The following EXOC6B variants were observed in gnomAD, a reference collection of about 807,000 sequenced individuals.
The protein encoded by EXOC6B is SEC15 homolog B.
Under a neutral mutation model 113.5 loss-of-function variants are expected in EXOC6B, and 54 were observed. The observed-to-expected ratio is 0.48, with a 90% confidence interval of 0.38 to 0.60. The LOEUF (loss-of-function observed/expected upper bound fraction) is 0.60. Among genes scored for constraint, EXOC6B ranks in the 20% least tolerant of loss-of-function variants. EXOC6B has a pLI of 0.00. For synonymous variants in EXOC6B, 357 were observed against 339.0 expected, an observed-to-expected ratio of 1.05 and a Z score of -0.58; for missense variants, 797 against 977.5, an observed-to-expected ratio of 0.82 and a Z score of 2.46.
Position 72,730,043 on chromosome 2 carries a change from T to C in EXOC6B, c.464+964A>G, listed in dbSNP as rs535451548. Among the ~76,000 whole-genome samples the C allele has an allele frequency of 4.6e-5, 7 of 152,310 alleles. No homozygotes were observed. The South Asian group carries it at 1.4e-3, about 32-fold the overall frequency. ...CCTATAGCTTCATATATCCCCATCA[T>C]ACTACAGGGCATCTCAGGGCAGAGA... On this transcript the variant is annotated intron_variant, in intron 5 of 21. Transcript: ENST00000272427.
chr2:72,542,099 A>G (rs1354256579), intron 8 of EXOC6B, among the ~76,000 whole-genome samples: 2 of 152,242 alleles, frequency 1.3e-5, no homozygotes, highest in African/African-American at 4.8e-5. Context: ...ACCTCAGTCA[A>G]AATAACTACA....
intron 19 of EXOC6B, among the ~76,000 whole-genome samples, chr2:72,377,367 G>A (rs1691421590): frequency 6.6e-6 from 1 of 152,102 alleles, no homozygotes; most frequent in South Asian, 2.1e-4. Flanking sequence ...ATATCCAGAG[G>A]AGATGAAATC....
At position 72,637,245 on chromosome 2, in the gene EXOC6B, G is replaced by A. The variant is rs1035512676; in HGVS notation, c.670-61577C>T. On this transcript the variant is annotated intron_variant, in intron 6 of 21. Coordinates refer to ENST00000272427, the MANE Select transcript of EXOC6B (RefSeq NM_015189.3). ...AATAAATATGTCAATTCCAAAAAAC[G>A]CCAAAAGCAATTGCAACAAAAGCAA... 3.3e-5 allele frequency among the ~76,000 whole-genome samples: 5 copies of A among 151,980 alleles called. No homozygotes were observed. The South Asian group carries it at 8.3e-4, about 25-fold the overall frequency.
At chr2:72,739,385 T>C (rs1681162540) in intron 2 of EXOC6B, among the ~76,000 whole-genome samples, 2 of 152,146 alleles carry the variant, frequency 1.3e-5, no homozygotes, top group Non-Finnish European at 2.9e-5. Context: ...ATTTCTCATT[T>C]TTCTATTAGA....
At chr2:72,323,116 T>C (rs1169957889) in intron 20 of EXOC6B, among the ~76,000 whole-genome samples, 2 of 151,902 alleles carry the variant, frequency 1.3e-5, no homozygotes, top group Non-Finnish European at 2.9e-5. Flanking sequence ...ATCCAGAATC[T>C]ACAAAGAAAC....
chr2:72,757,263 C>T (rs1481278947), intron 1 of EXOC6B, among the ~76,000 whole-genome samples: 2 of 152,054 alleles, frequency 1.3e-5, no homozygotes, highest in African/African-American at 4.8e-5. Flanking sequence ...AATAATGTGG[C>T]GGTTAACAAT....
chr2:72,661,923 C>G (rs1237038754), intron 6 of EXOC6B, among the ~76,000 whole-genome samples: 1 of 151,498 alleles, frequency 6.6e-6, no homozygotes. Flanking sequence ...ACTAATATAG[C>G]CAGTTGATTT....
intron 20 of EXOC6B, among the ~76,000 whole-genome samples, chr2:72,229,020 T>C (rs1216913238): frequency 2.0e-5 from 3 of 152,236 alleles, no homozygotes; most frequent in Admixed American, 6.5e-5. Flanking sequence ...TGGCCAGTGA[T>C]AGTGAGCATT....
At chr2:72,562,914 T>C (rs537153728) in intron 7 of EXOC6B, among the ~76,000 whole-genome samples, 1 of 152,278 alleles carries the variant, frequency 6.6e-6, no homozygotes, top group African/African-American at 2.4e-5. Context: ...CTTTTTTAAC[T>C]AGTTGTTTTC....
rs373013411 is a variant in EXOC6B, at chr2:72,499,931, G to C, written c.1209C>G (p.Asn403Lys). The change falls in exon 12 of 22, where the codon AAC becomes AAG. Residue 403 changes from asparagine (N) to lysine (K), a missense_variant. Asn to Lys is a moderately conservative substitution (Grantham distance 94). Coordinates refer to ENST00000272427, the MANE Select transcript of EXOC6B (RefSeq NM_015189.3). ...SDPNLVLDLK[N>K]LIVLFADTLQ... ...GTGTGTCAGCAAAAAGCACAATGAG[G>C]TTCTTCAAATCTAACACAAGGTTTG... 6.4e-7 allele frequency: 1 copy of C among 1,553,512 alleles called. No homozygotes were observed. Among genetic ancestry groups the C allele is most frequent in the Non-Finnish European group, 8.7e-7 (1 of 1,147,682 alleles).
intron 7 of EXOC6B, among the ~76,000 whole-genome samples, chr2:72,572,651 T>G (rs1704587543): frequency 6.6e-6 from 1 of 152,120 alleles, no homozygotes; most frequent in Non-Finnish European, 1.5e-5. Flanking sequence ...CTCAATGAGG[T>G]CTGTTGAAGA....
At chr2:72,688,365 T>G (rs1677236770) in intron 6 of EXOC6B, among the ~76,000 whole-genome samples, 1 of 152,146 alleles carries the variant, frequency 6.6e-6, no homozygotes, top group Admixed American at 6.5e-5. Context: ...ATAAAGGATA[T>G]GTTATCAAGC....
At position 72,696,827 on chromosome 2, in the gene EXOC6B, TAA is replaced by T. The variant is rs748364322; in HGVS notation, c.669+21274_669+21275del. 1.1e-3 allele frequency among the ~76,000 whole-genome samples: 164 copies of T among 152,282 alleles called. 1 individual carries two copies. Among genetic ancestry groups the T allele is most frequent in the South Asian group, 2.3e-3 (11 of 4,822 alleles). On this transcript the variant is annotated intron_variant, in intron 6 of 21. Transcript: ENST00000272427. ...TATCTATGGTATCATAAAAAAATGA[TAA>T]GTCAGTATTGTTTTAAGCCATTAAG...
At chr2:72,386,262 AG>A in intron 18 of EXOC6B, among the ~76,000 whole-genome samples, 1 of 152,324 alleles carries the variant, frequency 6.6e-6, no homozygotes, top group East Asian at 1.9e-4. Context: ...AGAGAAGCAG[AG>A]GGCAGAAGTT....
rs575484966 is a variant in EXOC6B, at chr2:72,635,884, G to A, written c.670-60216C>T. On this transcript the variant is annotated intron_variant, in intron 6 of 21. Coordinates refer to ENST00000272427, the MANE Select transcript of EXOC6B (RefSeq NM_015189.3). ...GTAGGGTTTATTCCAGGAATGGAAG[G>A]TTGCTTGACTATTTGAAAAATAAAT... Among the ~76,000 whole-genome samples, 3 of 152,278 alleles carry A rather than the reference G, an allele frequency of 2.0e-5. No individual in the cohort carries two copies. The East Asian group carries it at 5.8e-4, about 29-fold the overall frequency.
chr2:72,577,106 C>G (rs1195361903), intron 6 of EXOC6B, among the ~76,000 whole-genome samples: 1 of 151,922 alleles, frequency 6.6e-6, no homozygotes, highest in Non-Finnish European at 1.5e-5. Flanking sequence ...ATCTACATTC[C>G]AGAGATTTGA....
intron 18 of EXOC6B, among the ~76,000 whole-genome samples, chr2:72,400,354 T>G (rs1042651317): frequency 6.6e-6 from 1 of 152,076 alleles, no homozygotes. Context: ...AGAAAAACTC[T>G]TCCAGACATT....
At chr2:72,807,477 C>G (rs1377594428) in intron 1 of EXOC6B, among the ~76,000 whole-genome samples, 1 of 152,052 alleles carries the variant, frequency 6.6e-6, no homozygotes, top group Non-Finnish European at 1.5e-5. Flanking sequence ...TTTGTTCTTT[C>G]TGCTTAGGTA....
At chr2:72,489,206 A>G (rs1333956320) in intron 16 of EXOC6B, among the ~76,000 whole-genome samples, 2 of 152,118 alleles carry the variant, frequency 1.3e-5, no homozygotes, top group African/African-American at 4.8e-5. Context: ...ACTACCTTTA[A>G]CCATACTACA....
Sources: gnomAD v4.1 joint callset for allele counts (sites outside exome capture counted in the v4.1 genomes callset) on GRCh38, gnomAD v4.1.1 for gene constraint, MANE v1.5 for transcripts, NCBI Gene and HGNC (gene_info 2026-07-23, HGNC 2026-07-21) for gene names.